Variants in PHF6 observed in about 807,000 individuals in gnomAD.
PHF6 encodes the protein PHD finger protein 6.
Under a neutral mutation model 34.0 loss-of-function variants are expected in PHF6, and 7 were observed. The observed-to-expected ratio is 0.21, with a 90% CI of 0.12 to 0.39. PHF6 has a LOEUF of 0.39. Ranked by LOEUF, PHF6 falls within the 10% of genes least tolerant of loss-of-function variation. The pLI, the probability that PHF6 is intolerant of heterozygous loss-of-function variation, is 1.00. For missense variants in PHF6, 128 were observed against 262.8 expected (o/e 0.49, Z 3.55); for synonymous variants, 89 against 88.4 (o/e 1.01, Z -0.04).
intron 5 of PHF6, among the ~76,000 whole-genome samples, chrX:134,401,355 G>T: frequency 8.9e-6 from 1 of 111,763 alleles, no homozygotes; most frequent in South Asian, 3.7e-4. Context: ...CACCCACTAG[G>T]TCTTAACTTG....
chrX:134,403,305 T>C (rs893427228), intron 5 of PHF6, among the ~76,000 whole-genome samples: 3 of 111,989 alleles, frequency 2.7e-5, no homozygotes, highest in East Asian at 2.8e-4. Flanking sequence ...ATTGCTGATA[T>C]GGGGAAAGTT....
chrX:134,379,133 A>AG (rs772065329), intron 3 of PHF6, among the ~76,000 whole-genome samples: 1 of 111,737 alleles, frequency 8.9e-6, no homozygotes, highest in Non-Finnish European at 1.9e-5. Flanking sequence ...TAATAGGAAG[A>AG]GGGGGGCTAT....
intron 5 of PHF6, among the ~76,000 whole-genome samples, chrX:134,406,062 T>TTTTCTCTTTC (rs1556017615): frequency 0.011 from 833 of 78,058 alleles, 3 homozygotes; most frequent in Non-Finnish European, 0.015. Flanking sequence ...TCCTTTTTCT[T>TTTTCTCTTTC]TTTCTTTCTT....
At chrX:134,379,607 G>A (rs12838621) in intron 3 of PHF6, among the ~76,000 whole-genome samples, 2 of 108,379 alleles carry the variant, frequency 1.8e-5, no homozygotes, top group Non-Finnish European at 1.9e-5. Flanking sequence ...CATGTCTGGC[G>A]AATTTTGTAT....
rs1245548934 is a variant in PHF6, at chrX:134,427,170, A to G, written c.*1510A>G. 1 of 162,491 alleles carries G rather than the reference A, an allele frequency of 6.2e-6. No homozygotes were observed. The highest frequency in any genetic ancestry group is 3.0e-5 in the African/African-American group (1 of 33,100). 13.4% of individuals were successfully genotyped at this position (162,491 alleles called of 1,213,427 possible). Reference sequence around the variant, plus strand: ...CTTGCTTTTATTTTAACCATCTTTTACTATTTTTAGAAGGAAACTAGCTTT... The same window carrying G: ...CTTGCTTTTATTTTAACCATCTTTTGCTATTTTTAGAAGGAAACTAGCTTT... On this transcript the variant is annotated 3_prime_UTR_variant, in exon 11 of 11. Transcript: ENST00000370803.
At chrX:134,389,722 C>T (rs1354922668) in intron 3 of PHF6, among the ~76,000 whole-genome samples, 1 of 111,566 alleles carries the variant, frequency 9.0e-6, no homozygotes, top group African/African-American at 3.3e-5. Flanking sequence ...TTCCCTGAAA[C>T]ATTCTTGCCA....
intron 3 of PHF6, among the ~76,000 whole-genome samples, chrX:134,388,682 C>CA (rs2077341458): frequency 8.9e-6 from 1 of 111,867 alleles, no homozygotes; most frequent in African/African-American, 3.2e-5. Flanking sequence ...AGCTTTTCCC[C>CA]AAGAGCCTTG....
intron 5 of PHF6, among the ~76,000 whole-genome samples, chrX:134,401,421 T>C (rs1451764728): frequency 9.0e-6 from 1 of 111,492 alleles, no homozygotes; most frequent in Non-Finnish European, 1.9e-5. Context: ...CTAATAAATA[T>C]ATAATTTTTG....
At chrX:134,374,735 A>T (rs1329029895) in intron 1 of PHF6, among the ~76,000 whole-genome samples, 1 of 112,536 alleles carries the variant, frequency 8.9e-6, no homozygotes, top group Non-Finnish European at 1.9e-5. Flanking sequence ...GAAAATCAGA[A>T]ATGCATTGAT....
rs111778895 is a variant in PHF6, at chrX:134,391,051, C to T, written c.241-2450C>T. ...GTGCAATGGTACAATCTCAGCTCAC[C>T]GCAACCTTTACCTCCCAGGTTCAAG... On this transcript the variant is annotated intron_variant, in intron 3 of 10. Coordinates refer to ENST00000370803, the MANE Select transcript of PHF6 (RefSeq NM_001015877.2). 0.02 allele frequency among the ~76,000 whole-genome samples: 2,070 copies of T among 104,300 alleles called. 97 individuals carry two copies. In the East Asian group the frequency reaches 0.23, roughly 12 times the overall value. 90.6% of individuals were successfully genotyped at this position (104,300 alleles called of 115,157 possible).
chrX:134,413,138 T>C (rs1274387014), intron 5 of PHF6, among the ~76,000 whole-genome samples: 1 of 112,283 alleles, frequency 8.9e-6, no homozygotes, highest in Non-Finnish European at 1.9e-5. Context: ...TGCTAGTGGC[T>C]ACTACATTGA....
intron 3 of PHF6, among the ~76,000 whole-genome samples, chrX:134,381,279 C>T (rs1336090539): frequency 9.0e-6 from 1 of 111,177 alleles, no homozygotes. Context: ...TCCTTTTAGC[C>T]TTCAGTTTTG....
At chrX:134,391,222 TC>T (rs2077353235) in intron 3 of PHF6, among the ~76,000 whole-genome samples, 1 of 110,887 alleles carries the variant, frequency 9.0e-6, no homozygotes, top group Non-Finnish European at 1.9e-5. Context: ...GATGCGCCCG[TC>T]TCAGCCTCCC....
At chrX:134,373,498 A>T (rs1408167783) in intron 1 of PHF6, 31 bp downstream of exon 1, 1 of 111,035 alleles carries the variant, frequency 9.0e-6, no homozygotes, top group Non-Finnish European at 1.9e-5. Context: ...GGGGCCCCCC[A>T]TTCTCTCCCC....
chrX:134,377,829 TA>T, intron 2 of PHF6, 74 bp downstream of exon 2: 2 of 1,083,427 alleles, frequency 1.8e-6, no homozygotes, highest in Non-Finnish European at 2.5e-6. Context: ...TGTTCCTGAA[TA>T]CTAAAAAAAA....
chrX:134,396,840 A>G (rs1397196864), intron 5 of PHF6, among the ~76,000 whole-genome samples: 1 of 107,304 alleles, frequency 9.3e-6, no homozygotes, highest in Non-Finnish European at 1.9e-5. Flanking sequence ...ATGGGAGGTT[A>G]TAGGATTGTA....
chrX:134,382,306 G>GAT (rs1228175259), intron 3 of PHF6, among the ~76,000 whole-genome samples: 3 of 111,486 alleles, frequency 2.7e-5, no homozygotes, highest in Non-Finnish European at 5.6e-5. Context: ...AGTTTAGACA[G>GAT]ATATATATTT....
intron 5 of PHF6, among the ~76,000 whole-genome samples, chrX:134,406,060 C>CA (rs2077421890): frequency 1.5e-5 from 1 of 65,378 alleles, no homozygotes; most frequent in Non-Finnish European, 3.0e-5. Context: ...TGTCCTTTTT[C>CA]TTTTTCTTTC....
At chrX:134,382,515 G>C (rs1177903570) in intron 3 of PHF6, among the ~76,000 whole-genome samples, 2 of 109,546 alleles carry the variant, frequency 1.8e-5, no homozygotes, top group African/African-American at 6.7e-5. Context: ...GATGAAGCTA[G>C]CTGGTGAGAT....
Sources: allele counts gnomAD v4.1 joint callset (sites outside exome capture counted in the v4.1 genomes callset), GRCh38; gene constraint gnomAD v4.1.1; transcripts MANE v1.5; gene names NCBI Gene and HGNC (gene_info 2026-07-23, HGNC 2026-07-21).